KANK1: variants seen among roughly 807,000 people sequenced by gnomAD.
KANK1 encodes KN motif and ankyrin repeat domains 1.
A neutral mutation model predicts 106.2 loss-of-function variants in KANK1; 109 were observed. The observed-to-expected ratio is 1.03, with a 90% CI of 0.88 to 1.20. The LOEUF is 1.20. KANK1 is among the 50% of genes most tolerant of loss of function. The pLI is 0.00. For synonymous variants in KANK1, 873 were observed against 652.2 expected (o/e 1.34, Z -5.16); for missense variants, 2,399 against 1,710.7 (o/e 1.40, Z -7.10).
chr9:520,986 G>C (rs1301671541), intron 1 of KANK1, among the ~76,000 whole-genome samples: 2 of 151,824 alleles, frequency 1.3e-5, no homozygotes, highest in Non-Finnish European at 2.9e-5. Flanking sequence ...ACTGTCAAGA[G>C]AAGGGTAGAG....
chr9:695,500 A>C (rs1038167008), intron 2 of KANK1, among the ~76,000 whole-genome samples: 1 of 152,086 alleles, frequency 6.6e-6, no homozygotes, highest in African/African-American at 2.4e-5. Flanking sequence ...CCCTGCTGGC[A>C]TCTCCTTCAT....
intron 2 of KANK1, among the ~76,000 whole-genome samples, chr9:691,351 T>C (rs1046756813): frequency 6.6e-6 from 1 of 151,880 alleles, no homozygotes; most frequent in African/African-American, 2.4e-5. Flanking sequence ...CTTTATTCGT[T>C]TAACTTTTAA....
intron 1 of KANK1, among the ~76,000 whole-genome samples, chr9:592,196 C>T (rs188638644): frequency 2.0e-5 from 3 of 151,902 alleles, no homozygotes; most frequent in African/African-American, 4.9e-5. Flanking sequence ...GCCAAATTCT[C>T]TTACCTGGAG....
intron 3 of KANK1, among the ~76,000 whole-genome samples, chr9:726,699 C>A (rs1162222541): frequency 6.6e-6 from 1 of 152,148 alleles, no homozygotes. Flanking sequence ...GTGGCTCATG[C>A]CTATAATCCC....
chr9:492,896 T>C (rs1564120954), intron 3 of KANK1, among the ~76,000 whole-genome samples: 1 of 151,850 alleles, frequency 6.6e-6, no homozygotes, highest in Non-Finnish European at 1.5e-5. Context: ...TGGTGACCCT[T>C]ACCTGTAATC....
rs182536146 is a variant in KANK1 at position 679,137 on chromosome 9, G to A, written c.37+2128G>A. Among the ~76,000 whole-genome samples the A allele has an allele frequency of 3.0e-4, 46 of 152,246 alleles. 1 individual carries two copies. The highest frequency in any genetic ancestry group is 1.5e-3 in the Admixed American group (23 of 15,296). ...GGTTGAAGGCAAAAGAAAGCTCTCC[G>A]ATTTGTGACTTTCAGGGTGTCAGAG... is the stretch of plus-strand genomic sequence containing the variant. On this transcript the variant is annotated intron_variant, in intron 2 of 11. Transcript: ENST00000382297.
chr9:693,053 C>G (rs1428658409), intron 2 of KANK1, among the ~76,000 whole-genome samples: 3 of 151,696 alleles, frequency 2.0e-5, no homozygotes, highest in Non-Finnish European at 4.4e-5. Context: ...ATTAGGGGAA[C>G]ATACCATTCT....
At chr9:529,508 T>G (rs1243426685) in intron 1 of KANK1, among the ~76,000 whole-genome samples, 1 of 1,896 alleles carries the variant, frequency 5.3e-4, no homozygotes, top group Non-Finnish European at 7.7e-4. Flanking sequence ...CTCATACATA[T>G]TTTTAAAATG....
At chr9:651,056 C>A (rs1840775724) in intron 1 of KANK1, among the ~76,000 whole-genome samples, 1 of 152,140 alleles carries the variant, frequency 6.6e-6, no homozygotes, top group Non-Finnish European at 1.5e-5. Context: ...GGCTATTTAA[C>A]CTCTGCTATT....
At chr9:532,323 C>A (rs558594206) in intron 1 of KANK1, among the ~76,000 whole-genome samples, 29 of 143,162 alleles carry the variant, frequency 2.0e-4, no homozygotes, top group Admixed American at 1.7e-3. Context: ...CTCACCGCAA[C>A]CTCTGTCTCA....
At chr9:615,634 T>C (rs1430247067) in intron 1 of KANK1, among the ~76,000 whole-genome samples, 1 of 152,208 alleles carries the variant, frequency 6.6e-6, no homozygotes, top group Admixed American at 6.5e-5. Flanking sequence ...ACTTAATTAA[T>C]TGGTGTGCTT....
chr9:739,335 G>A (rs1834704870), intron 8 of KANK1, among the ~76,000 whole-genome samples: 1 of 152,192 alleles, frequency 6.6e-6, no homozygotes, highest in African/African-American at 2.4e-5. Context: ...GTGAACCTTA[G>A]AATATGCAAT....
intron 1 of KANK1, among the ~76,000 whole-genome samples, chr9:584,215 G>A (rs1285636856): frequency 6.6e-6 from 1 of 152,140 alleles, no homozygotes; most frequent in Non-Finnish European, 1.5e-5. Context: ...AAATGGTACA[G>A]AATTTCTATC....
chr9:702,509 AAGAG>A (rs1822940067), intron 2 of KANK1, among the ~76,000 whole-genome samples: 1 of 152,150 alleles, frequency 6.6e-6, no homozygotes. Flanking sequence ...GAGATAGAGA[AAGAG>A]AGACAGAGAC....
At chr9:497,608 A>C (rs1283756262) in intron 3 of KANK1, among the ~76,000 whole-genome samples, 3 of 152,142 alleles carry the variant, frequency 2.0e-5, no homozygotes, top group Non-Finnish European at 4.4e-5. Context: ...GAGAGTATAA[A>C]TTGGAAGGCT....
chr9:702,831 C>T (rs147666943), intron 2 of KANK1, among the ~76,000 whole-genome samples: 1 of 152,300 alleles, frequency 6.6e-6, no homozygotes, highest in African/African-American at 2.4e-5. Context: ...ATTCCTTCAG[C>T]AGCACCAACA....
At chr9:737,417 GAGTA>G (rs572209526) in intron 7 of KANK1, among the ~76,000 whole-genome samples, 126 of 152,310 alleles carry the variant, frequency 8.3e-4, no homozygotes, top group African/African-American at 2.9e-3. Flanking sequence ...AACTTTTAAA[GAGTA>G]AGCACAGCAG....
intron 1 of KANK1, among the ~76,000 whole-genome samples, chr9:532,632 T>G (rs923849531): frequency 1.3e-5 from 2 of 152,118 alleles, no homozygotes; most frequent in Non-Finnish European, 2.9e-5. Context: ...AGCTTAACAT[T>G]CCTTATATGA....
At chr9:666,025 C>G (rs1844479696) in intron 1 of KANK1, among the ~76,000 whole-genome samples, 1 of 151,818 alleles carries the variant, frequency 6.6e-6, no homozygotes, top group Non-Finnish European at 1.5e-5. Context: ...AAAAAAAAAT[C>G]AAAATATTAG....
Sources: gnomAD v4.1 joint callset for allele counts (sites outside exome capture counted in the v4.1 genomes callset) on GRCh38, gnomAD v4.1.1 for gene constraint, MANE v1.5 for transcripts, NCBI Gene and HGNC (gene_info 2026-07-23, HGNC 2026-07-21) for gene names.